CELSR1: variants seen among roughly 807,000 people sequenced by gnomAD.
The protein encoded by CELSR1 is cadherin EGF LAG seven-pass G-type receptor 1.
In CELSR1, 110 loss-of-function variants were observed where a neutral mutation model predicts 249.1. That is an observed-to-expected ratio of 0.44 (90% confidence interval 0.38 to 0.52). The LOEUF is 0.52. CELSR1 is among the 20% of genes least tolerant of loss of function. The probability of loss-of-function intolerance (pLI) is 0.00; values close to 1 mark genes in which losing one functional copy is unlikely to be tolerated. For synonymous variants in CELSR1, 2,113 were observed against 1,900.0 expected (o/e 1.11, Z -2.92); for missense variants, 4,109 against 4,296.4 (o/e 0.96, Z 1.22).
chr22:46,448,005 C>G lies in CELSR1; in HGVS notation c.4184-8594G>C, dbSNP rs1161023750. The stretch of plus-strand genomic sequence containing the variant: ...ATGGCCTCATGCACCTGCCCCGCCA[C>G]TGGGGACCTGTCCCATACCAGGCTT... On this transcript the variant is annotated intron_variant, in intron 2 of 34. Transcript: ENST00000674500. The surrounding 1 kb of genome is among the most constrained non-coding windows in gnomAD (Gnocchi z 5.7). Among the ~76,000 whole-genome samples the G allele has an allele frequency of 6.6e-6, 1 of 152,232 alleles. No homozygotes were observed. Among genetic ancestry groups the G allele is most frequent in the African/African-American group, 2.4e-5 (1 of 41,456 alleles).
At chr22:46,455,972 A>G (rs2079944648) in intron 2 of CELSR1, among the ~76,000 whole-genome samples, 1 of 152,242 alleles carries the variant, frequency 6.6e-6, no homozygotes, top group African/African-American at 2.4e-5. Context: ...GCCAAATGCA[A>G]AAGACTTGAG....
At chr22:46,388,696 A>C (rs537231193) in intron 18 of CELSR1, among the ~76,000 whole-genome samples, 31 of 152,336 alleles carry the variant, frequency 2.0e-4, no homozygotes, top group African/African-American at 7.5e-4. Flanking sequence ...AGCCCCCGAA[A>C]GCAGTTTCCA....
In CELSR1 at chr22:46,529,652, A is replaced by C. The variant is rs150312136; in HGVS notation, c.3544+3975T>G. Among the ~76,000 whole-genome samples, 18 of 152,010 alleles carry C rather than the reference A, an allele frequency of 1.2e-4. No homozygotes were observed. The Middle Eastern group carries it at 0.01, about 86-fold the overall frequency. On this transcript the variant is annotated intron_variant, in intron 1 of 34. Coordinates refer to ENST00000674500, the MANE Select transcript of CELSR1 (RefSeq NM_001378328.1). The stretch of plus-strand genomic sequence containing the variant: ...ACCTTGTCTCTAAGAAACATACAAA[A>C]ATTAGCTGGGTGTGGTGGCGTGCAC...
At chr22:46,475,315 G>A (rs569467635) in intron 1 of CELSR1, among the ~76,000 whole-genome samples, 14 of 152,224 alleles carry the variant, frequency 9.2e-5, no homozygotes, top group African/African-American at 2.9e-4. Context: ...CCTGACACAC[G>A]CTACAACACA....
At chr22:46,466,003 G>A (rs1215800336) in intron 1 of CELSR1, among the ~76,000 whole-genome samples, 1 of 152,184 alleles carries the variant, frequency 6.6e-6, no homozygotes, top group Non-Finnish European at 1.5e-5. Context: ...TACAACCTCG[G>A]TGTGGGGAGG....
intron 22 of CELSR1, 134 bp from the exon 23 acceptor site, chr22:46,378,851 C>CT: frequency 8.3e-7 from 1 of 1,200,356 alleles, no homozygotes; most frequent in Non-Finnish European, 1.1e-6. Flanking sequence ...GCCGTGAGTG[C>CT]TGAAAGCCCA....
Position 46,384,670 on chromosome 22 carries a change from G to C in CELSR1, c.6756C>G (p.Ile2252Met), listed in dbSNP as rs760945146. The C allele has an allele frequency of 3.7e-6, 6 of 1,612,834 alleles. No individual in the cohort carries two copies. In the East Asian group the frequency reaches 6.7e-5, roughly 18 times the overall value. Residue 2252 changes from isoleucine to methionine, a missense_variant, in exon 20 of 35, where the codon ATC becomes ATG. By Grantham distance (10) the Ile-to-Met change is conservative (BLOSUM62 1). This residue lies in a region of CELSR1 where 1,805 missense variants were observed against 1,831.6 expected (regional missense o/e 0.99). Transcript: ENST00000674500. ...CTCCCGTAAAGTTGAACTTGTCAAAGATGTCGACAGCAAGAACTGGGGGGA... is the reference window on the plus strand; with the variant it reads ...CTCCCGTAAAGTTGAACTTGTCAAACATGTCGACAGCAAGAACTGGGGGGA... ...VTANMILAVD[I>M]FDKFNFTGAR...
At chr22:46,422,723 C>T (rs1222197245) in intron 5 of CELSR1, among the ~76,000 whole-genome samples, 5 of 148,942 alleles carry the variant, frequency 3.4e-5, no homozygotes, top group Admixed American at 6.6e-5. Flanking sequence ...GCTGAGATCA[C>T]GCCACTGCAC....
In CELSR1 at chr22:46,365,396, G is replaced by A. The variant is rs1365787553; in HGVS notation, c.8405-16C>T. 5 of 1,611,500 alleles carry A rather than the reference G, an allele frequency of 3.1e-6. No individual in the cohort carries two copies. In the African/African-American group the frequency reaches 4.0e-5, roughly 13 times the overall value. Reference sequence around the variant, plus strand: ...GAATCGTGGCCTGTGGATGCGCGGGGGACAGGGAGGCTCAGGCCCTGGGAG... The same window carrying A: ...GAATCGTGGCCTGTGGATGCGCGGGAGACAGGGAGGCTCAGGCCCTGGGAG... On this transcript the variant is annotated splice_polypyrimidine_tract_variant and intron_variant, in intron 31 of 34. Transcript: ENST00000674500.
In CELSR1 at chr22:46,427,353, T is replaced by C. The variant is rs778553884; in HGVS notation, c.4611+6040A>G. 4.6e-5 allele frequency among the ~76,000 whole-genome samples: 7 copies of C among 152,150 alleles called. No homozygotes were observed. The East Asian group carries it at 7.7e-4, about 17-fold the overall frequency. On this transcript the variant is annotated intron_variant, in intron 5 of 34. Coordinates refer to ENST00000674500, the MANE Select transcript of CELSR1 (RefSeq NM_001378328.1). This position sits in a 1 kb window ranked among gnomAD's most constrained non-coding sequence, Gnocchi z 4.2. ...GAGTTTGAAAACAACCTGGCCAACATGGTGAAACTCCAATCTCTACTAAAA... is the reference window on the plus strand; with the variant it reads ...GAGTTTGAAAACAACCTGGCCAACACGGTGAAACTCCAATCTCTACTAAAA...
intron 1 of CELSR1, among the ~76,000 whole-genome samples, chr22:46,528,790 G>A (rs954074957): frequency 1.5e-4 from 23 of 151,760 alleles, no homozygotes; most frequent in Non-Finnish European, 2.2e-4. Flanking sequence ...TCAGCCGGGC[G>A]TGGTGGCGGG....
chr22:46,489,228 A>G (rs1008537908), intron 1 of CELSR1, among the ~76,000 whole-genome samples: 1 of 151,836 alleles, frequency 6.6e-6, no homozygotes, highest in Non-Finnish European at 1.5e-5. Context: ...ATTCCTCGTC[A>G]TCACAATCAA....
intron 2 of CELSR1, among the ~76,000 whole-genome samples, chr22:46,442,589 G>A (rs950854390): frequency 1.3e-5 from 2 of 152,216 alleles, no homozygotes; most frequent in Non-Finnish European, 1.5e-5. Context: ...CCTCAGCCAC[G>A]GGCTGATTTC....
intron 1 of CELSR1, among the ~76,000 whole-genome samples, chr22:46,529,364 AT>A (rs2080769990): frequency 1.3e-5 from 2 of 152,138 alleles, no homozygotes; most frequent in Admixed American, 1.3e-4. Flanking sequence ...AAAAACAAAT[AT>A]CCCACGTTCA....
rs928340493 is a variant in CELSR1 at position 46,427,056 on chromosome 22, T to C, written c.4611+6337A>G. On this transcript the variant is annotated intron_variant, in intron 5 of 34. Transcript: ENST00000674500. This position sits in a 1 kb window ranked among gnomAD's most constrained non-coding sequence, Gnocchi z 4.2. ...GTTCATGGCTTCCAATAGGGAGTGATAGATAAATAGGAAAAAAAGATCAAT... is the reference window on the plus strand; with the variant it reads ...GTTCATGGCTTCCAATAGGGAGTGACAGATAAATAGGAAAAAAAGATCAAT... Among the ~76,000 whole-genome samples, 3 of 151,986 alleles carry C rather than the reference T, an allele frequency of 2.0e-5. No individual in the cohort carries two copies. Among genetic ancestry groups the C allele is most frequent in the African/African-American group, 7.3e-5 (3 of 41,370 alleles).
chr22:46,461,540 T>C (rs1232605828), intron 2 of CELSR1, among the ~76,000 whole-genome samples: 1 of 152,186 alleles, frequency 6.6e-6, no homozygotes, highest in African/African-American at 2.4e-5. Context: ...CAAAGCCACG[T>C]TAGACGTTAC....
chr22:46,361,254 C>G lies in CELSR1; in HGVS notation c.*1969G>C, dbSNP rs1261356161. ...TTTTGAACATTAATAAATACACGTT[C>G]TGTTAAAAACCTCCAGTGTCTAATC... On this transcript the variant is annotated 3_prime_UTR_variant, in exon 35 of 35. Transcript: ENST00000674500. 6.6e-6 allele frequency: 1 copy of G among 152,490 alleles called. No homozygotes were observed. Among genetic ancestry groups the G allele is most frequent in the Non-Finnish European group, 1.5e-5 (1 of 68,026 alleles). 9.4% of individuals were successfully genotyped at this position (152,490 alleles called of 1,614,324 possible).
At chr22:46,480,621 G>T (rs1186204673) in intron 1 of CELSR1, among the ~76,000 whole-genome samples, 3 of 152,172 alleles carry the variant, frequency 2.0e-5, no homozygotes, top group Admixed American at 2.0e-4. Flanking sequence ...CAGGATGTTG[G>T]CAACGAAGAG....
intron 3 of CELSR1, among the ~76,000 whole-genome samples, chr22:46,438,732 G>T (rs1366567971): frequency 6.6e-6 from 1 of 152,156 alleles, no homozygotes; most frequent in Non-Finnish European, 1.5e-5. Context: ...GGGTTAAGGG[G>T]TACAAACAAA....
Sources: allele counts gnomAD v4.1 joint callset (sites outside exome capture counted in the v4.1 genomes callset), GRCh38; gene constraint gnomAD v4.1.1; regional missense constraint gnomAD v4.1.1; non-coding constraint Gnocchi (gnomAD v3.1); transcripts MANE v1.5; gene names NCBI Gene and HGNC (gene_info 2026-07-23, HGNC 2026-07-21).